The following MAPK10 variants were observed in gnomAD, a reference collection of about 807,000 sequenced individuals.
MAPK10 encodes JNK3 alpha protein kinase.
Under a neutral mutation model 59.3 loss-of-function variants are expected in MAPK10, and 25 were observed. That is an observed-to-expected ratio of 0.42 (90% CI 0.31 to 0.59). The LOEUF is 0.59. Ranked by LOEUF, MAPK10 falls within the 20% of genes least tolerant of loss-of-function variation. MAPK10 has a pLI of 0.15. For missense variants in MAPK10, 351 were observed against 568.9 expected, an observed-to-expected ratio of 0.62 and a Z score of 3.90; for synonymous variants, 190 against 200.5, an observed-to-expected ratio of 0.95 and a Z score of 0.44.
At chr4:86,359,076 T>C (rs1468579267) in intron 1 of MAPK10, among the ~76,000 whole-genome samples, 1 of 152,080 alleles carries the variant, frequency 6.6e-6, no homozygotes, top group Non-Finnish European at 1.5e-5. Context: ...ATATCTAATA[T>C]ATATATAAAT....
chr4:86,084,026 C>T (rs921369560), intron 9 of MAPK10, among the ~76,000 whole-genome samples: 1 of 152,090 alleles, frequency 6.6e-6, no homozygotes, highest in Admixed American at 6.6e-5. Context: ...CTGAAGAGTC[C>T]TTGGTCCCTG....
At chr4:86,519,330 A>G (rs1756939463) in intron 1 of MAPK10, among the ~76,000 whole-genome samples, 1 of 152,056 alleles carries the variant, frequency 6.6e-6, no homozygotes. Context: ...GGAATGTGAT[A>G]TTTTCCTGTT....
chr4:86,551,046 AAAG>A (rs895760811), intron 1 of MAPK10, among the ~76,000 whole-genome samples: 1 of 152,236 alleles, frequency 6.6e-6, no homozygotes, highest in Non-Finnish European at 1.5e-5. Context: ...GCCTGAAATT[AAAG>A]AAGAACTCTG....
intron 4 of MAPK10, chr4:86,124,129 A>C (rs1265742655): frequency 1.3e-5 from 2 of 151,964 alleles, no homozygotes; most frequent in Non-Finnish European, 2.9e-5. Context: ...ACACACAAAA[A>C]ATTTTTGCTG....
At chr4:86,383,315 G>C (rs562220015) in intron 1 of MAPK10, among the ~76,000 whole-genome samples, 1 of 152,258 alleles carries the variant, frequency 6.6e-6, no homozygotes, top group African/African-American at 2.4e-5. Context: ...CCTCTGGGCT[G>C]TGTGACTGGG....
At chr4:86,581,924 TATATATATATA>T (rs1762335662) in intron 1 of MAPK10, among the ~76,000 whole-genome samples, 1 of 126,632 alleles carries the variant, frequency 7.9e-6, no homozygotes, top group Non-Finnish European at 1.7e-5. Flanking sequence ...TATATATATA[TATATATATATA>T]TATATATATA....
chr4:86,515,883 TTG>T (rs200133284), intron 1 of MAPK10, among the ~76,000 whole-genome samples: 30 of 130,686 alleles, frequency 2.3e-4, no homozygotes, highest in African/African-American at 7.5e-4. Context: ...TTTTTTGTTG[TTG>T]TTTTTTTTTT....
intron 9 of MAPK10, among the ~76,000 whole-genome samples, chr4:86,094,232 G>A (rs1280353077): frequency 1.3e-5 from 2 of 151,868 alleles, no homozygotes; most frequent in South Asian, 2.1e-4. Context: ...GTTAATTTGA[G>A]GGTGTTTTTC....
chr4:86,223,410 C>T (rs993923046), intron 2 of MAPK10, among the ~76,000 whole-genome samples: 3 of 152,140 alleles, frequency 2.0e-5, no homozygotes, highest in African/African-American at 4.8e-5. Context: ...TTGTCCTGTT[C>T]GGCACCATAC....
chr4:86,234,669 A>G (rs2148671034), intron 2 of MAPK10, among the ~76,000 whole-genome samples: 1 of 152,240 alleles, frequency 6.6e-6, no homozygotes, highest in East Asian at 1.9e-4. Context: ...TAAAATCACC[A>G]TCTTCCATTT....
intron 2 of MAPK10, among the ~76,000 whole-genome samples, chr4:86,341,407 C>T (rs181284787): frequency 2.0e-5 from 3 of 152,212 alleles, no homozygotes; most frequent in African/African-American, 7.2e-5. Flanking sequence ...AAAACAGAAA[C>T]ATACTGATAT....
chr4:86,547,435 A>C (rs1280531391), intron 1 of MAPK10, among the ~76,000 whole-genome samples: 1 of 152,180 alleles, frequency 6.6e-6, no homozygotes, highest in Non-Finnish European at 1.5e-5. Flanking sequence ...GGGGTTTAGC[A>C]CCTGGGCCAG....
chr4:86,556,966 C>A (rs983708799), intron 1 of MAPK10, among the ~76,000 whole-genome samples: 3 of 152,006 alleles, frequency 2.0e-5, no homozygotes, highest in Non-Finnish European at 4.4e-5. Context: ...CAGTGAAACC[C>A]ATAAGATTTG....
intron 1 of MAPK10, among the ~76,000 whole-genome samples, chr4:86,450,375 A>T (rs1215977672): frequency 6.6e-6 from 1 of 152,206 alleles, no homozygotes; most frequent in Non-Finnish European, 1.5e-5. Context: ...ACTTTTTCAT[A>T]CCACATACTT....
chr4:86,358,147 T>C (rs1219684140), intron 1 of MAPK10: 1 of 985,070 alleles, frequency 1.0e-6, no homozygotes, highest in African/African-American at 1.7e-5. Context: ...TGAAGTGGAG[T>C]CAGAAGCTTG....
At chr4:86,306,022 A>G (rs1427188941) in intron 2 of MAPK10, among the ~76,000 whole-genome samples, 1 of 152,178 alleles carries the variant, frequency 6.6e-6, no homozygotes, top group Non-Finnish European at 1.5e-5. Context: ...ACACTAATAC[A>G]GGAATTACCA....
At chr4:86,161,887 G>A (rs1412854420) in intron 3 of MAPK10, among the ~76,000 whole-genome samples, 4 of 151,868 alleles carry the variant, frequency 2.6e-5, no homozygotes, top group Non-Finnish European at 4.4e-5. Flanking sequence ...TTCCAGCTAT[G>A]GTCTCAGTCA....
intron 11 of MAPK10, among the ~76,000 whole-genome samples, chr4:86,040,233 C>A (rs1350124616): frequency 1.3e-5 from 2 of 151,814 alleles, no homozygotes; most frequent in Non-Finnish European, 1.5e-5. Flanking sequence ...GGAAGCTCAA[C>A]AAACTTCAAA....
intron 13 of MAPK10, chr4:86,028,589 A>G (rs1040080658): frequency 6.6e-6 from 1 of 152,288 alleles, no homozygotes. Context: ...AACTCTTTAT[A>G]GTGAGAGCAT....
Sources: allele counts gnomAD v4.1 joint callset (sites outside exome capture counted in the v4.1 genomes callset), GRCh38; gene constraint gnomAD v4.1.1; transcripts MANE v1.5; gene names NCBI Gene and HGNC (gene_info 2026-07-23, HGNC 2026-07-21).